JADE3: variants seen among roughly 807,000 people sequenced by gnomAD.
The protein encoded by JADE3 is jade family PHD finger 3, also known as protein Jade-3.
JADE3 carries 2 observed loss-of-function variants against 50.1 expected under a neutral mutation model. The observed-to-expected ratio is 0.04, with a 90% confidence interval of 0.02 to 0.13. The LOEUF (loss-of-function observed/expected upper bound fraction) is 0.13. Ranked by LOEUF, JADE3 falls within the 10% of genes least tolerant of loss-of-function variation. JADE3 has a pLI of 1.00. For synonymous variants in JADE3, 218 were observed against 232.9 expected, an observed-to-expected ratio of 0.94 and a Z score of 0.58; for missense variants, 475 against 634.4, an observed-to-expected ratio of 0.75 and a Z score of 2.70.
In JADE3 at chrX:47,013,751, CTT is replaced by C. The variant is rs1293609847; in HGVS notation, c.285-10972_285-10971del. On this transcript the variant is annotated intron_variant, in intron 4 of 10. Transcript: ENST00000614628. ...CCATTGAAACTCTCACAAAATTACT[CTT>C]GTTTGATGAGAAGAATGAACTGGAG... 5.3e-5 allele frequency among the ~76,000 whole-genome samples: 6 copies of C among 112,178 alleles called. No individual in the cohort carries two copies. In the East Asian group the frequency reaches 1.7e-3, roughly 31 times the overall value.
intron 8 of JADE3, among the ~76,000 whole-genome samples, chrX:47,040,231 G>A (rs1929227407): frequency 8.9e-6 from 1 of 112,048 alleles, no homozygotes; most frequent in South Asian, 3.7e-4. Context: ...TTGGTGAAGA[G>A]GGGACATTGC....
At chrX:47,053,880 C>T (rs1229519696) in intron 8 of JADE3, among the ~76,000 whole-genome samples, 1 of 111,763 alleles carries the variant, frequency 8.9e-6, no homozygotes, top group Non-Finnish European at 1.9e-5. Flanking sequence ...TGACTGTTTA[C>T]AGGAGCCCAG....
At chrX:46,998,306 G>C in intron 4 of JADE3, 29 bp downstream of exon 4, 1 of 1,165,811 alleles carries the variant, frequency 8.6e-7, no homozygotes, top group African/African-American at 1.8e-5. Flanking sequence ...CTTTGACTTA[G>C]GGAATGAATG....
chrX:46,942,915 A>G (rs1389420609), intron 1 of JADE3, among the ~76,000 whole-genome samples: 1 of 111,581 alleles, frequency 9.0e-6, no homozygotes, highest in African/African-American at 3.3e-5. Flanking sequence ...AAAGATCTTT[A>G]ACCTCCTTGG....
chrX:46,916,812 A>G (rs1276108346), intron 1 of JADE3, among the ~76,000 whole-genome samples: 1 of 112,089 alleles, frequency 8.9e-6, no homozygotes, highest in Non-Finnish European at 1.9e-5. Flanking sequence ...TCTCACAGTC[A>G]GGAGGAAGAG....
intron 1 of JADE3, among the ~76,000 whole-genome samples, chrX:46,966,666 A>G (rs1340772400): frequency 8.9e-6 from 1 of 111,873 alleles, no homozygotes; most frequent in African/African-American, 3.2e-5. Flanking sequence ...GATAGAAGCA[A>G]TTAAGGAGAG....
chrX:46,977,584 ACTTAC>A (rs1355161119), intron 1 of JADE3, among the ~76,000 whole-genome samples: 1 of 112,148 alleles, frequency 8.9e-6, no homozygotes, highest in Non-Finnish European at 1.9e-5. Flanking sequence ...GATCTCTAGG[ACTTAC>A]CTTAAATTAA....
intron 9 of JADE3, among the ~76,000 whole-genome samples, chrX:47,055,352 T>G (rs985271516): frequency 1.8e-5 from 2 of 111,975 alleles, no homozygotes; most frequent in Non-Finnish European, 3.8e-5. Flanking sequence ...TTTTTTTTTC[T>G]CTGCTACCAG....
intron 6 of JADE3, among the ~76,000 whole-genome samples, chrX:47,031,528 T>A (rs999858670): frequency 9.1e-6 from 1 of 110,396 alleles, no homozygotes; most frequent in African/African-American, 3.3e-5. Context: ...GAAAAAAAAA[T>A]ACTAAAAATG....
At chrX:47,026,356 C>T (rs1928908459) in intron 5 of JADE3, among the ~76,000 whole-genome samples, 1 of 111,738 alleles carries the variant, frequency 8.9e-6, no homozygotes, top group African/African-American at 3.3e-5. Flanking sequence ...GCAGTTAGTA[C>T]AGGGAGTTCT....
chrX:46,932,246 G>A (rs1294019658), intron 1 of JADE3, among the ~76,000 whole-genome samples: 1 of 111,972 alleles, frequency 8.9e-6, no homozygotes, highest in Non-Finnish European at 1.9e-5. Context: ...TTCTCTAGGG[G>A]ATTGCATCTT....
At chrX:46,925,478 G>T (rs1284410419) in intron 1 of JADE3, among the ~76,000 whole-genome samples, 2 of 112,051 alleles carry the variant, frequency 1.8e-5, no homozygotes, top group African/African-American at 6.5e-5. Flanking sequence ...TTAGTGGTCA[G>T]TGGAAATGTT....
chrX:47,048,496 T>C (rs1929427510), intron 8 of JADE3, among the ~76,000 whole-genome samples: 1 of 112,412 alleles, frequency 8.9e-6, no homozygotes, highest in Non-Finnish European at 1.9e-5. Flanking sequence ...AATTATTTTT[T>C]GCCCATAAAA....
intron 3 of JADE3, 86 bp from the exon 4 acceptor site, chrX:46,998,033 TG>T (rs1928173625): frequency 1.8e-5 from 13 of 739,724 alleles, no homozygotes; most frequent in Non-Finnish European, 2.4e-5. Flanking sequence ...GCAGAGTGGA[TG>T]GGGATGGTCT....
intron 4 of JADE3, among the ~76,000 whole-genome samples, chrX:47,001,233 A>G (rs1556358988): frequency 9.0e-6 from 1 of 111,526 alleles, no homozygotes; most frequent in Non-Finnish European, 1.9e-5. Flanking sequence ...TTTAGGGTGC[A>G]TCAGAATCAT....
chrX:47,039,400 T>C (rs1178514839), intron 8 of JADE3, among the ~76,000 whole-genome samples: 2 of 110,781 alleles, frequency 1.8e-5, no homozygotes, highest in Non-Finnish European at 3.8e-5. Flanking sequence ...CTTTTTTTTT[T>C]TTTTAATTTC....
intron 3 of JADE3, among the ~76,000 whole-genome samples, chrX:46,993,286 G>A (rs781796010): frequency 1.8e-5 from 2 of 111,775 alleles, no homozygotes; most frequent in South Asian, 7.5e-4. Flanking sequence ...TCAGTGGAGA[G>A]CACTACATAC....
At position 47,046,491 on chromosome X, in the gene JADE3, A is replaced by G. The variant is rs782043409; in HGVS notation, c.972+7426A>G. ...TACCAGTGTTACTCAAACTATTCCA[A>G]AAAATAGAAGAGAAGGGAATACTTT... On this transcript the variant is annotated intron_variant, in intron 8 of 10. Transcript: ENST00000614628. Among the ~76,000 whole-genome samples the G allele has an allele frequency of 6.2e-5, 7 of 112,184 alleles. No individual in the cohort carries two copies. In the South Asian group the frequency reaches 2.6e-3, roughly 42 times the overall value.
At chrX:46,984,179 G>A (rs1473647497) in intron 1 of JADE3, among the ~76,000 whole-genome samples, 2 of 112,271 alleles carry the variant, frequency 1.8e-5, no homozygotes, top group Non-Finnish European at 1.9e-5. Context: ...CAGTGCTAGT[G>A]TGTTCCCAGA....
Sources: gnomAD v4.1 joint callset for allele counts (sites outside exome capture counted in the v4.1 genomes callset) on GRCh38, gnomAD v4.1.1 for gene constraint, MANE v1.5 for transcripts, NCBI Gene and HGNC (gene_info 2026-07-23, HGNC 2026-07-21) for gene names.